PCDH15: variants seen among roughly 807,000 people sequenced by gnomAD.
PCDH15 encodes the protein protocadherin-15.
A neutral mutation model predicts 178.5 loss-of-function variants in PCDH15; 129 were observed. The observed-to-expected ratio is 0.72, with a 90% CI of 0.63 to 0.84. The LOEUF (loss-of-function observed/expected upper bound fraction) is 0.84, where lower values mean the gene tolerates loss of function less well. PCDH15 is among the 40% of genes least tolerant of loss of function. The pLI is 0.00. For missense variants in PCDH15, 2,230 were observed against 2,099.9 expected (o/e 1.06, Z -1.21); for synonymous variants, 800 against 732.0 (o/e 1.09, Z -1.50).
intron 1 of PCDH15, among the ~76,000 whole-genome samples, chr10:55,313,952 C>T (rs928818575): frequency 6.6e-5 from 10 of 151,896 alleles, no homozygotes; most frequent in African/African-American, 1.9e-4. Context: ...GAGAGAAAAG[C>T]AGAATAACTT....
chr10:55,109,003 A>G (rs1445332764), intron 2 of PCDH15, among the ~76,000 whole-genome samples: 2 of 152,190 alleles, frequency 1.3e-5, no homozygotes, highest in Non-Finnish European at 2.9e-5. Flanking sequence ...TAAGATGGGT[A>G]GGGCAACAGT....
In PCDH15 at chr10:55,466,634, GAGA is replaced by G. The variant is rs201538295; in HGVS notation, c.-156+160988_-156+160990del. On this transcript the variant is annotated intron_variant, in intron 2 of 5. Transcript: ENST00000613346. ...ATAGAAGATAAGAAAAATTGGAATG[GAGA>G]AGAAGGACTCAAGAGAAACGTCTGG... Among the ~76,000 whole-genome samples the G allele has an allele frequency of 4.5e-3, 689 of 152,228 alleles. 8 individuals carry two copies. The highest frequency in any genetic ancestry group is 7.4e-3 in the African/African-American group (307 of 41,546).
rs905102620 is a variant in PCDH15, at chr10:54,604,453, A to G, written c.91+59719T>C. Among the ~76,000 whole-genome samples, 3 of 151,994 alleles carry G rather than the reference A, an allele frequency of 2.0e-5. No individual in the cohort carries two copies. The Admixed American group carries it at 2.0e-4, about 10-fold the overall frequency. Reference sequence around the variant, plus strand: ...TTTGCTTTAAATATTTAGATCTGATATTGAGTGCATATACATTTACAATAG... The same window carrying G: ...TTTGCTTTAAATATTTAGATCTGATGTTGAGTGCATATACATTTACAATAG... On this transcript the variant is annotated intron_variant, in intron 2 of 37. Transcript: ENST00000644397.
intron 2 of PCDH15, among the ~76,000 whole-genome samples, chr10:55,057,326 C>T (rs973253577): frequency 7.9e-5 from 12 of 152,046 alleles, no homozygotes; most frequent in Admixed American, 4.6e-4. Context: ...CAAAATAAAA[C>T]CAAAAGAAAC....
intron 3 of PCDH15, among the ~76,000 whole-genome samples, chr10:54,809,413 T>C (rs1003737474): frequency 6.6e-6 from 1 of 151,682 alleles, no homozygotes; most frequent in Non-Finnish European, 1.5e-5. Context: ...CGGCAAAAAA[T>C]GAGACCGTTT....
chr10:54,817,639 A>C (rs1181682350), intron 3 of PCDH15, among the ~76,000 whole-genome samples: 1 of 152,038 alleles, frequency 6.6e-6, no homozygotes, highest in Non-Finnish European at 1.5e-5. Context: ...ATTTCAATCA[A>C]GTCATTTGCA....
chr10:53,882,973 T>C (rs1453826692), intron 26 of PCDH15, among the ~76,000 whole-genome samples: 1 of 152,198 alleles, frequency 6.6e-6, no homozygotes, highest in African/African-American at 2.4e-5. Context: ...AACTTTATAA[T>C]TTTATCCATT....
intron 32 of PCDH15, among the ~76,000 whole-genome samples, chr10:53,826,216 T>TATG (rs1050052718): frequency 2.0e-5 from 3 of 152,058 alleles, no homozygotes; most frequent in Admixed American, 1.3e-4. Context: ...AACCCTGTAT[T>TATG]ATGTCCTTAT....
At chr10:55,306,256 G>T (rs1389010693) in intron 1 of PCDH15, among the ~76,000 whole-genome samples, 1 of 152,186 alleles carries the variant, frequency 6.6e-6, no homozygotes, top group East Asian at 1.9e-4. Context: ...TTGAGATAAA[G>T]CTCGTTAACT....
intron 1 of PCDH15, among the ~76,000 whole-genome samples, chr10:55,273,666 T>C (rs1842508706): frequency 6.6e-6 from 1 of 152,106 alleles, no homozygotes; most frequent in Non-Finnish European, 1.5e-5. Context: ...ACTCACTATG[T>C]GAATTTACGC....
At chr10:54,284,959 T>G (rs1768440263) in intron 8 of PCDH15, among the ~76,000 whole-genome samples, 1 of 152,186 alleles carries the variant, frequency 6.6e-6, no homozygotes. Context: ...ATACATGGCA[T>G]CCATGAAAAT....
intron 2 of PCDH15, among the ~76,000 whole-genome samples, chr10:54,936,753 A>G (rs922767247): frequency 3.0e-4 from 44 of 146,866 alleles, no homozygotes; most frequent in African/African-American, 1.1e-3. Flanking sequence ...GAGTTTTTTT[A>G]TATACTTAGG....
intron 13 of PCDH15, among the ~76,000 whole-genome samples, chr10:54,171,828 A>T (rs946707393): frequency 1.3e-5 from 2 of 151,736 alleles, no homozygotes; most frequent in African/African-American, 2.4e-5. Context: ...ATCATTCTAT[A>T]TGACAAATGT....
intron 2 of PCDH15, among the ~76,000 whole-genome samples, chr10:55,364,409 G>T (rs1043206938): frequency 2.0e-5 from 3 of 152,004 alleles, no homozygotes; most frequent in African/African-American, 7.2e-5. Flanking sequence ...AATGTCTTCT[G>T]GTTTCCATGG....
intron 2 of PCDH15, among the ~76,000 whole-genome samples, chr10:55,164,737 C>T (rs1189801434): frequency 2.0e-5 from 3 of 152,010 alleles, no homozygotes; most frequent in Non-Finnish European, 4.4e-5. Flanking sequence ...CTAAAGATGT[C>T]TTATGTTTTT....
chr10:54,661,475 G>T (rs1273316913), intron 2 of PCDH15, among the ~76,000 whole-genome samples: 2 of 151,648 alleles, frequency 1.3e-5, no homozygotes, highest in South Asian at 2.1e-4. Context: ...TGACTGTACT[G>T]CCCAAAGCGA....
At chr10:54,880,051 T>C (rs1954233042) in intron 3 of PCDH15, among the ~76,000 whole-genome samples, 2 of 152,166 alleles carry the variant, frequency 1.3e-5, no homozygotes, top group Admixed American at 1.3e-4. Flanking sequence ...TATGTATGTT[T>C]AGAACAAATT....
At chr10:54,603,386 GC>G (rs1327811921) in intron 2 of PCDH15, among the ~76,000 whole-genome samples, 1 of 150,928 alleles carries the variant, frequency 6.6e-6, no homozygotes, top group Non-Finnish European at 1.5e-5. Context: ...TTTATTTTTT[GC>G]CTTAATTAGC....
chr10:55,301,447 T>G (rs1073664), intron 1 of PCDH15, among the ~76,000 whole-genome samples: 99,888 of 150,304 alleles, frequency 0.66, 34,584 homozygotes, highest in African/African-American at 0.87. Context: ...TTTCTAATTG[T>G]TTTTTTTTTC....
Sources: allele counts gnomAD v4.1 joint callset (sites outside exome capture counted in the v4.1 genomes callset), GRCh38; gene constraint gnomAD v4.1.1; transcripts MANE v1.5; gene names NCBI Gene and HGNC (gene_info 2026-07-23, HGNC 2026-07-21).